The following LRRC28 variants were observed in gnomAD, a reference collection of about 807,000 sequenced individuals.
The protein encoded by LRRC28 is leucine-rich repeat-containing protein 28.
LRRC28 carries 39 observed loss-of-function variants against 45.7 expected under a neutral mutation model. The ratio of observed to expected loss-of-function variants is 0.85; its 90% CI spans 0.66 to 1.12. The LOEUF (loss-of-function observed/expected upper bound fraction) is 1.12. LRRC28 is among the 50% of genes most tolerant of loss of function. LRRC28 has a pLI of 0.00. For synonymous variants in LRRC28, 206 were observed against 178.8 expected, an observed-to-expected ratio of 1.15 and a Z score of -1.22; for missense variants, 435 against 438.5, an observed-to-expected ratio of 0.99 and a Z score of 0.07.
chr15:99,389,943 C>T lies in LRRC28; in HGVS notation c.*3841C>T, dbSNP rs1426015460. Reference sequence around the variant, plus strand: ...ACCAGCCTGGCCAGCATGGTGAAACCCCATCTCTACTAAAAATACAAAAAA... The same window carrying T: ...ACCAGCCTGGCCAGCATGGTGAAACTCCATCTCTACTAAAAATACAAAAAA... On this transcript the variant is annotated 3_prime_UTR_variant, in exon 10 of 10. Transcript: ENST00000301981. 1 of 152,146 alleles carries T rather than the reference C, an allele frequency of 6.6e-6. No homozygotes were observed. The highest frequency in any genetic ancestry group is 2.4e-5 in the African/African-American group (1 of 41,410). The allele number at this position is 152,146 out of a possible 1,614,324, so 9.4% of individuals were successfully genotyped here.
At chr15:99,287,200 A>G (rs996426719) in intron 3 of LRRC28, 57 bp from the exon 4 acceptor site, 3 of 1,436,298 alleles carry the variant, frequency 2.1e-6, no homozygotes, top group African/African-American at 2.9e-5. Flanking sequence ...TTATAAACTG[A>G]TTATCTGGCA....
At chr15:99,335,320 G>A (rs899466740) in intron 6 of LRRC28, among the ~76,000 whole-genome samples, 1 of 152,116 alleles carries the variant, frequency 6.6e-6, no homozygotes, top group Non-Finnish European at 1.5e-5. Context: ...GAACCTCTCT[G>A]AGCTTCATAA....
At chr15:99,288,230 A>G (rs749086196) in intron 5 of LRRC28, among the ~76,000 whole-genome samples, 8 of 152,232 alleles carry the variant, frequency 5.3e-5, no homozygotes, top group Non-Finnish European at 1.2e-4. Context: ...AAATATTTGT[A>G]CAAAGAGTTA....
intron 9 of LRRC28, among the ~76,000 whole-genome samples, chr15:99,380,284 T>C (rs1445878668): frequency 6.6e-6 from 1 of 152,228 alleles, no homozygotes; most frequent in Non-Finnish European, 1.5e-5. Context: ...CCCTTTACCA[T>C]TATGTAATGG....
At chr15:99,273,472 C>T (rs1334227842) in intron 2 of LRRC28, among the ~76,000 whole-genome samples, 2 of 152,098 alleles carry the variant, frequency 1.3e-5, no homozygotes, top group Admixed American at 6.5e-5. Flanking sequence ...CTGCTGACCT[C>T]GTGATCTGCC....
chr15:99,284,595 G>C (rs1303759499), intron 3 of LRRC28: 1 of 483,538 alleles, frequency 2.1e-6, no homozygotes, highest in Admixed American at 2.2e-5. Context: ...CTCCTTTCCT[G>C]CTAAGCTTTG....
At chr15:99,375,125 T>C (rs1414745682) in intron 9 of LRRC28, among the ~76,000 whole-genome samples, 1 of 152,212 alleles carries the variant, frequency 6.6e-6, no homozygotes, top group Admixed American at 6.5e-5. Flanking sequence ...TTTGGTATGT[T>C]CTCTTTATTA....
intron 2 of LRRC28, chr15:99,256,353 C>T: frequency 2.8e-6 from 1 of 362,362 alleles, no homozygotes; most frequent in Non-Finnish European, 4.9e-6. Flanking sequence ...AAAATACTCA[C>T]TGATGTATGA....
chr15:99,325,679 C>A (rs930583778), intron 5 of LRRC28, among the ~76,000 whole-genome samples: 1 of 152,164 alleles, frequency 6.6e-6, no homozygotes, highest in African/African-American at 2.4e-5. Context: ...TTGTGAAATG[C>A]TTTATTCTTA....
At position 99,388,948 on chromosome 15, in the gene LRRC28, T is replaced by A. The variant is rs1216539864; in HGVS notation, c.*2846T>A. The A allele has an allele frequency of 6.6e-6, 1 of 152,222 alleles. No individual in the cohort carries two copies. Among genetic ancestry groups the A allele is most frequent in the Non-Finnish European group, 1.5e-5 (1 of 68,038 alleles). The allele number at this position is 152,222 out of a possible 1,614,324, so 9.4% of individuals were successfully genotyped here. A position where few individuals can be genotyped will look rare whatever the true frequency, so the allele number is the denominator to read the frequency against. ...ATCAGTGTTCTTCAGTATGTCCAAT[T>A]GTTATCATACCAAAAACCTTAATTA... On this transcript the variant is annotated 3_prime_UTR_variant, in exon 10 of 10. Transcript: ENST00000301981.
At chr15:99,364,466 C>CA (rs1032743167) in intron 9 of LRRC28, among the ~76,000 whole-genome samples, 65 of 152,314 alleles carry the variant, frequency 4.3e-4, no homozygotes, top group Middle Eastern at 3.4e-3. Context: ...AGCCCTCCTC[C>CA]AAATCTTTCT....
In LRRC28 at chr15:99,363,181, A is replaced by G. The variant is rs773073524; in HGVS notation, c.947A>G (p.His316Arg). The G allele has an allele frequency of 9.9e-6, 16 of 1,614,048 alleles. No individual in the cohort carries two copies. The South Asian group carries it at 1.6e-4, about 17-fold the overall frequency. ...ELLHCPLGHCHRCSEPMFTIV... is the reference protein window; with the variant it reads ...ELLHCPLGHCRRCSEPMFTIV... ...CTGCACTGCCCTCTGGGGCACTGTC[A>G]TCGGTGTAGTGAGCCTATGTTTACC... is the stretch of plus-strand genomic sequence containing the variant. The change falls in exon 9 of 10, where the codon CAT becomes CGT. Residue 316 changes from histidine (H) to arginine (R), a missense_variant. Transcript: ENST00000301981.
At chr15:99,375,860 G>C (rs184996662) in intron 9 of LRRC28, among the ~76,000 whole-genome samples, 61 of 152,084 alleles carry the variant, frequency 4.0e-4, no homozygotes, top group Admixed American at 1.5e-3. Flanking sequence ...CTTTTTGTCA[G>C]TCTTGGTCAA....
At chr15:99,303,732 G>A (rs964661325) in intron 5 of LRRC28, among the ~76,000 whole-genome samples, 1 of 152,108 alleles carries the variant, frequency 6.6e-6, no homozygotes, top group Non-Finnish European at 1.5e-5. Flanking sequence ...TACTCAGGAG[G>A]CTGAGGCAGG....
intron 6 of LRRC28, among the ~76,000 whole-genome samples, chr15:99,351,616 C>A (rs1956881700): frequency 6.6e-6 from 1 of 152,168 alleles, no homozygotes; most frequent in African/African-American, 2.4e-5. Context: ...CTACATCTGC[C>A]TGGATCTTCA....
intron 3 of LRRC28, among the ~76,000 whole-genome samples, chr15:99,279,346 T>C (rs2081714004): frequency 6.6e-6 from 1 of 152,232 alleles, no homozygotes; most frequent in South Asian, 2.1e-4. Context: ...AGCTTTTCCT[T>C]TTACAGTTTG....
At chr15:99,347,229 A>C (rs1032762280) in intron 6 of LRRC28, among the ~76,000 whole-genome samples, 3 of 135,258 alleles carry the variant, frequency 2.2e-5, no homozygotes, top group African/African-American at 8.3e-5. Flanking sequence ...GTCTTTTTTT[A>C]GATGGAGTCT....
At chr15:99,304,139 G>A (rs997816924) in intron 5 of LRRC28, among the ~76,000 whole-genome samples, 6 of 152,118 alleles carry the variant, frequency 3.9e-5, no homozygotes, top group Admixed American at 2.0e-4. Flanking sequence ...ATGTCCATTC[G>A]TTTACATATT....
intron 5 of LRRC28, among the ~76,000 whole-genome samples, chr15:99,316,730 A>G (rs954902072): frequency 6.6e-6 from 1 of 151,980 alleles, no homozygotes; most frequent in East Asian, 1.9e-4. Context: ...AAAAAAAAAA[A>G]AAACTCTTTG....
Sources: gnomAD v4.1 joint callset for allele counts (sites outside exome capture counted in the v4.1 genomes callset) on GRCh38, gnomAD v4.1.1 for gene constraint, MANE v1.5 for transcripts, NCBI Gene and HGNC (gene_info 2026-07-23, HGNC 2026-07-21) for gene names.